Variants in ASAH1 observed in about 807,000 individuals in gnomAD.
The protein encoded by ASAH1 is N-acylsphingosine amidohydrolase 1, also known as acid ceramidase.
A neutral mutation model predicts 59.5 loss-of-function variants in ASAH1; 70 were observed. The observed-to-expected ratio is 1.18, with a 90% CI of 0.97 to 1.43. The LOEUF is 1.43. ASAH1 is among the 40% of genes most tolerant of loss of function. The probability of loss-of-function intolerance (pLI) is 0.00; values close to 1 mark genes in which losing one functional copy is unlikely to be tolerated. For synonymous variants in ASAH1, 213 were observed against 166.5 expected (o/e 1.28, Z -2.15); for missense variants, 660 against 482.5 (o/e 1.37, Z -3.45).
chr8:18,077,386 T>C (rs180700558), intron 1 of ASAH1, among the ~76,000 whole-genome samples: 18 of 152,380 alleles, frequency 1.2e-4, no homozygotes, highest in African/African-American at 3.4e-4. Context: ...TGTCAATTTT[T>C]ATAGATCTTA....
chr8:18,071,179 C>T (rs537384401), intron 3 of ASAH1, 121 bp downstream of exon 3: 1 of 448,270 alleles, frequency 2.2e-6, no homozygotes, highest in South Asian at 5.4e-5. Flanking sequence ...TGCATTCCAG[C>T]CTGGGTGACA....
intron 5 of ASAH1, chr8:18,065,419 T>C (rs577484927): frequency 2.6e-5 from 4 of 152,162 alleles, no homozygotes; most frequent in African/African-American, 7.2e-5. Context: ...CTTTTGTTGA[T>C]AAATACTACT....
intron 13 of ASAH1, chr8:18,058,107 G>C (rs958660719): frequency 1.9e-5 from 3 of 153,950 alleles, no homozygotes; most frequent in African/African-American, 7.2e-5. Flanking sequence ...CAGATCACAA[G>C]GCACACACCC....
intron 5 of ASAH1, 115 bp from the exon 6 acceptor site, chr8:18,064,646 G>T (rs1164780808): frequency 1.4e-6 from 1 of 692,486 alleles, no homozygotes; most frequent in Non-Finnish European, 2.5e-6. Flanking sequence ...TTGGCCAGTG[G>T]GGCTGTGCTG....
intron 1 of ASAH1, among the ~76,000 whole-genome samples, chr8:18,077,532 T>C (rs1316288738): frequency 6.6e-6 from 1 of 152,228 alleles, no homozygotes; most frequent in Non-Finnish European, 1.5e-5. Flanking sequence ...GATCATCTAA[T>C]AAATATCAAC....
At chr8:18,059,036 G>T (rs1420777980) in intron 12 of ASAH1, 145 bp from the exon 13 acceptor site, 4 of 777,396 alleles carry the variant, frequency 5.1e-6, no homozygotes, top group Admixed American at 4.9e-5. Flanking sequence ...GGGAGTCACT[G>T]TTAGAAACAC....
At chr8:18,084,805 G>C (rs1422510164), upstream of ASAH1, 2 of 1,613,276 alleles carry the variant, frequency 1.2e-6, no homozygotes, top group African/African-American at 1.3e-5. Flanking sequence ...AGTTCATTAA[G>C]CGGCTGTGTT....
chr8:18,078,815 C>T lies in ASAH1; in HGVS notation c.79-3228G>A, dbSNP rs1031677101. ...TGGTCTGGATGGTATACTATGTACACCCTATCACAGGAAACAAAATCCAAC... is the reference window on the plus strand; with the variant it reads ...TGGTCTGGATGGTATACTATGTACATCCTATCACAGGAAACAAAATCCAAC... On this transcript the variant is annotated intron_variant, in intron 1 of 13. Transcript: ENST00000637790. 1.1e-4 allele frequency among the ~76,000 whole-genome samples: 17 copies of T among 152,196 alleles called. No homozygotes were observed. The East Asian group carries it at 3.1e-3, about 28-fold the overall frequency.
intron 2 of ASAH1, among the ~76,000 whole-genome samples, chr8:18,075,065 G>A (rs944768812): frequency 1.4e-5 from 2 of 146,780 alleles, no homozygotes; most frequent in Admixed American, 7.0e-5. Flanking sequence ...GTGCGATCTC[G>A]GCTCACTGCA....
intron 10 of ASAH1, chr8:18,060,989 GTCATCTGTC>G (rs1799670721): frequency 1.0e-5 from 2 of 195,248 alleles, no homozygotes; most frequent in Admixed American, 1.1e-4. Context: ...CTGGGTGCAA[GTCATCTGTC>G]TATCTCAGCC....
chr8:18,084,162 G>A, upstream of ASAH1: 1 of 1,556,732 alleles, frequency 6.4e-7, no homozygotes. Context: ...CCCGCGACCT[G>A]GGACCGCACC....
intron 1 of ASAH1, 124 bp from the exon 2 acceptor site, chr8:18,075,711 A>G (rs1295924956): frequency 1.2e-6 from 1 of 812,426 alleles, no homozygotes; most frequent in Non-Finnish European, 2.1e-6. Flanking sequence ...TATACGTTTC[A>G]ATGCCTCTTA....
chr8:18,059,507 A>T, intron 11 of ASAH1, 43 bp from the exon 12 acceptor site: 1 of 1,614,196 alleles, frequency 6.2e-7, no homozygotes, highest in Non-Finnish European at 8.5e-7. Context: ...TACATGCCTT[A>T]AAACTCAAAG....
rs964761076 is a variant in ASAH1, at chr8:18,059,519, A to G, written c.917+53T>C. On this transcript the variant is annotated intron_variant, in intron 11 of 13. Coordinates refer to ENST00000637790, the MANE Select transcript of ASAH1 (RefSeq NM_177924.5). ...GGCTACATGCCTTAAAACTCAAAGT[A>G]TATCAGTGTATGCTTTTGTTTCTAC... 58 of 1,614,196 alleles carry G rather than the reference A, an allele frequency of 3.6e-5. No individual in the cohort carries two copies. The South Asian group carries it at 5.2e-4, about 14-fold the overall frequency.
chr8:18,080,178 T>C (rs569002103), intron 1 of ASAH1, among the ~76,000 whole-genome samples: 12 of 152,228 alleles, frequency 7.9e-5, no homozygotes, highest in Non-Finnish European at 1.5e-4. Flanking sequence ...GTGAAAATCA[T>C]TGCTAAAGCT....
chr8:18,070,243 G>A (rs1321605655), intron 3 of ASAH1, among the ~76,000 whole-genome samples: 2 of 151,794 alleles, frequency 1.3e-5, no homozygotes, highest in Non-Finnish European at 2.9e-5. Flanking sequence ...TCTGCCTCCC[G>A]GGTTCAAGCG....
intron 1 of ASAH1, chr8:18,075,835 C>A (rs936611997): frequency 1.3e-5 from 7 of 535,370 alleles, no homozygotes; most frequent in African/African-American, 1.1e-4. Flanking sequence ...TCTAATATTT[C>A]AAATATATTG....
At chr8:18,066,536 T>C (rs537442123) in intron 5 of ASAH1, 3 of 121,780 alleles carry the variant, frequency 2.5e-5, no homozygotes, top group South Asian at 2.5e-4. Flanking sequence ...CAAATAAAGA[T>C]TGACACTAAC....
In ASAH1 at chr8:18,073,113, G is replaced by C; in HGVS notation, c.126-1723C>G. On this transcript the variant is annotated intron_variant, in intron 2 of 13. Coordinates refer to ENST00000637790, the MANE Select transcript of ASAH1 (RefSeq NM_177924.5). ...CACTAATTAGAATTTGAGAGAACTG[G>C]TTAATCTAATAAACCAAATTATTTT... The C allele has an allele frequency of 7.4e-6, 6 of 805,470 alleles. No individual in the cohort carries two copies. In the South Asian group the frequency reaches 1.0e-4, roughly 14 times the overall value. The allele number at this position is 805,470 out of a possible 1,614,324, so 49.9% of individuals were successfully genotyped here. A position where few individuals can be genotyped will look rare whatever the true frequency, so the allele number is the denominator to read the frequency against.
Sources: gnomAD v4.1 joint callset for allele counts (sites outside exome capture counted in the v4.1 genomes callset) on GRCh38, gnomAD v4.1.1 for gene constraint, MANE v1.5 for transcripts, NCBI Gene and HGNC (gene_info 2026-07-23, HGNC 2026-07-21) for gene names.